The following MOB3B variants were observed in gnomAD, a reference collection of about 807,000 sequenced individuals.
The protein encoded by MOB3B is MOB kinase activator-like 2B.
Under a neutral mutation model 18.7 loss-of-function variants are expected in MOB3B, and 7 were observed. The ratio of observed to expected loss-of-function variants is 0.37; its 90% CI spans 0.21 to 0.70. The LOEUF (loss-of-function observed/expected upper bound fraction) is 0.70, where lower values mean the gene tolerates loss of function less well. MOB3B is among the 30% of genes least tolerant of loss of function. The probability of loss-of-function intolerance (pLI) is 0.52; values close to 1 mark genes in which losing one functional copy is unlikely to be tolerated. For synonymous variants in MOB3B, 111 were observed against 99.9 expected, an observed-to-expected ratio of 1.11 and a Z score of -0.66; for missense variants, 253 against 281.3, an observed-to-expected ratio of 0.90 and a Z score of 0.72.
chr9:27,325,790 A>T lies in MOB3B; in HGVS notation c.*4797T>A, dbSNP rs1020878654. The T allele has an allele frequency of 6.6e-6, 1 of 152,156 alleles. No individual in the cohort carries two copies. Among genetic ancestry groups the T allele is most frequent in the African/African-American group, 2.4e-5 (1 of 41,442 alleles). 9.4% of individuals were successfully genotyped at this position (152,156 alleles called of 1,614,324 possible). A position where few individuals can be genotyped will look rare whatever the true frequency, so the allele number is the denominator to read the frequency against. On this transcript the variant is annotated 3_prime_UTR_variant, in exon 4 of 4. Coordinates refer to ENST00000262244, the MANE Select transcript of MOB3B (RefSeq NM_024761.5). ...AGATAATGGCTATACTTTTCCCACA[A>T]TCTTTTTGCTTTTGTTTTCTCCCAG... is the stretch of plus-strand genomic sequence containing the variant.
At chr9:27,476,169 A>G (rs1370296517) in intron 1 of MOB3B, among the ~76,000 whole-genome samples, 2 of 152,186 alleles carry the variant, frequency 1.3e-5, no homozygotes, top group African/African-American at 4.8e-5. Context: ...CAAGTCTTCT[A>G]TCACTTCAAG....
intron 2 of MOB3B, among the ~76,000 whole-genome samples, chr9:27,364,352 G>T (rs1227753092): frequency 6.7e-6 from 1 of 149,724 alleles, no homozygotes; most frequent in Admixed American, 6.6e-5. Context: ...CCCATTATGT[G>T]TTTTAAAAAT....
chr9:27,493,838 A>G (rs994829517), intron 1 of MOB3B, among the ~76,000 whole-genome samples: 4 of 152,214 alleles, frequency 2.6e-5, no homozygotes, highest in African/African-American at 7.2e-5. Context: ...GGGCACCTTG[A>G]AAAAAGAACA....
chr9:27,365,433 A>C (rs1429249269), intron 2 of MOB3B, among the ~76,000 whole-genome samples: 1 of 146,622 alleles, frequency 6.8e-6, no homozygotes, highest in Non-Finnish European at 1.5e-5. Flanking sequence ...AGTTAATGCC[A>C]GACAACATTA....
At chr9:27,403,496 C>T (rs1265955124) in intron 2 of MOB3B, among the ~76,000 whole-genome samples, 1 of 135,874 alleles carries the variant, frequency 7.4e-6, no homozygotes, top group Non-Finnish European at 1.6e-5. Context: ...CTGCTTAATG[C>T]TTGGTCTGGC....
At chr9:27,403,029 C>T (rs1821908810) in intron 2 of MOB3B, among the ~76,000 whole-genome samples, 1 of 152,030 alleles carries the variant, frequency 6.6e-6, no homozygotes, top group African/African-American at 2.4e-5. Flanking sequence ...ACCTTCCCAA[C>T]AGGGAAGCAG....
rs1306335832 is a variant in MOB3B, at chr9:27,512,330, A to AGAT, written c.-199+17222_-199+17224dup. On this transcript the variant is annotated intron_variant, in intron 1 of 3. Transcript: ENST00000262244. ...CCTGAGATTTTTGCAGAACATTATG[A>AGAT]GATTATTTATAAAAATAATAAATCG... is the stretch of plus-strand genomic sequence containing the variant. Among the ~76,000 whole-genome samples, 3 of 152,310 alleles carry AGAT rather than the reference A, an allele frequency of 2.0e-5. No homozygotes were observed. The East Asian group carries it at 5.8e-4, about 29-fold the overall frequency.
chr9:27,475,785 A>C (rs1035324481), intron 1 of MOB3B, among the ~76,000 whole-genome samples: 1 of 152,224 alleles, frequency 6.6e-6, no homozygotes, highest in African/African-American at 2.4e-5. Context: ...TTTACTTCAA[A>C]TTGCCAACAC....
chr9:27,470,197 C>T (rs1323225298), intron 1 of MOB3B, among the ~76,000 whole-genome samples: 2 of 151,128 alleles, frequency 1.3e-5, no homozygotes, highest in South Asian at 4.2e-4. Flanking sequence ...AGATATTATT[C>T]ATATTCCTGG....
At chr9:27,491,860 A>G (rs1442541593) in intron 1 of MOB3B, among the ~76,000 whole-genome samples, 2 of 152,192 alleles carry the variant, frequency 1.3e-5, no homozygotes, top group Admixed American at 6.5e-5. Context: ...GCGACAGAGC[A>G]AGACTCTGTC....
At chr9:27,502,881 G>A (rs1820009608) in intron 1 of MOB3B, among the ~76,000 whole-genome samples, 1 of 152,214 alleles carries the variant, frequency 6.6e-6, no homozygotes, top group Non-Finnish European at 1.5e-5. Context: ...TAAGTGTTAA[G>A]ATCAGCAATT....
At chr9:27,367,874 T>G (rs1372167543) in intron 2 of MOB3B, among the ~76,000 whole-genome samples, 1 of 152,182 alleles carries the variant, frequency 6.6e-6, no homozygotes, top group Non-Finnish European at 1.5e-5. Flanking sequence ...TGAAACCTGA[T>G]TTCCTGGCCA....
rs529762754 is a variant in MOB3B, at chr9:27,432,815, C to T, written c.418+22318G>A. Among the ~76,000 whole-genome samples, 81 of 152,238 alleles carry T rather than the reference C, an allele frequency of 5.3e-4. 2 individuals are homozygous for T. In the South Asian group the frequency reaches 0.016, roughly 30 times the overall value. ...CTTACTCCACCTGCTTAATTTCATA[C>T]CCTCTTGAACAGAAAAATGGGGCAT... On this transcript the variant is annotated intron_variant, in intron 2 of 3. Transcript: ENST00000262244.
chr9:27,422,296 C>T (rs1368479210), intron 2 of MOB3B, among the ~76,000 whole-genome samples: 1 of 152,156 alleles, frequency 6.6e-6, no homozygotes, highest in Non-Finnish European at 1.5e-5. Flanking sequence ...TTAATCTTCC[C>T]TGCAATAAAA....
chr9:27,436,847 C>A (rs1253460649), intron 2 of MOB3B, among the ~76,000 whole-genome samples: 1 of 151,858 alleles, frequency 6.6e-6, no homozygotes, highest in Non-Finnish European at 1.5e-5. Context: ...TTAGAGGAGT[C>A]CTCCCAAAGG....
intron 1 of MOB3B, among the ~76,000 whole-genome samples, chr9:27,518,395 T>C (rs138786539): frequency 6.6e-4 from 101 of 152,306 alleles, no homozygotes; most frequent in African/African-American, 2.3e-3. Flanking sequence ...ATGCCTGCCA[T>C]CTGAAATTCT....
intron 1 of MOB3B, among the ~76,000 whole-genome samples, chr9:27,473,797 A>T (rs1260782891): frequency 1.3e-5 from 2 of 152,184 alleles, no homozygotes; most frequent in Admixed American, 6.5e-5. Context: ...AGACAGTCTA[A>T]TCTTTCAAAT....
At chr9:27,381,838 G>A (rs1040323036) in intron 2 of MOB3B, among the ~76,000 whole-genome samples, 2 of 152,136 alleles carry the variant, frequency 1.3e-5, no homozygotes, top group African/African-American at 2.4e-5. Context: ...TAGAGATGAC[G>A]TCTCGCTATG....
chr9:27,453,938 T>A (rs1822831791), intron 2 of MOB3B, among the ~76,000 whole-genome samples: 2 of 152,090 alleles, frequency 1.3e-5, no homozygotes, highest in Non-Finnish European at 2.9e-5. Flanking sequence ...GCCTTCTTCC[T>A]CCTATGCTGT....
Sources: gnomAD v4.1 joint callset for allele counts (sites outside exome capture counted in the v4.1 genomes callset) on GRCh38, gnomAD v4.1.1 for gene constraint, MANE v1.5 for transcripts, NCBI Gene and HGNC (gene_info 2026-07-23, HGNC 2026-07-21) for gene names.